Variants in CDADC1 observed in about 807,000 individuals in gnomAD.
CDADC1 encodes the protein cytidine and dCMP deaminase domain containing 1, also known as dCTP deaminase.
A neutral mutation model predicts 54.9 loss-of-function variants in CDADC1; 39 were observed. That is an observed-to-expected ratio of 0.71 (90% CI 0.55 to 0.93). The LOEUF is 0.93. CDADC1 is among the 40% of genes least tolerant of loss of function. The pLI is 0.00. For missense variants in CDADC1, 518 were observed against 618.8 expected (o/e 0.84, Z 1.73); for synonymous variants, 186 against 204.0 (o/e 0.91, Z 0.75).
At chr13:49,287,450 A>G (rs1280560740) in intron 9 of CDADC1, among the ~76,000 whole-genome samples, 1 of 151,858 alleles carries the variant, frequency 6.6e-6, no homozygotes, top group Non-Finnish European at 1.5e-5. Context: ...TTAAAAATTT[A>G]TTAGCAAAAA....
intron 4 of CDADC1, among the ~76,000 whole-genome samples, chr13:49,262,125 G>A (rs969304506): frequency 2.0e-5 from 3 of 152,140 alleles, no homozygotes; most frequent in East Asian, 1.9e-4. Flanking sequence ...GATGGTCCAC[G>A]AGGTCAATGT....
chr13:49,281,691 T>G (rs1378008492), intron 8 of CDADC1, among the ~76,000 whole-genome samples: 1 of 152,114 alleles, frequency 6.6e-6, no homozygotes, highest in Admixed American at 6.5e-5. Context: ...TCCCCTGCAA[T>G]AGTTTAAAGG....
chr13:49,289,704 TATG>T (rs1004131878), intron 9 of CDADC1, among the ~76,000 whole-genome samples: 3 of 152,198 alleles, frequency 2.0e-5, no homozygotes, highest in Non-Finnish European at 4.4e-5. Flanking sequence ...ACTACAGAAT[TATG>T]ATACCATTTC....
chr13:49,255,878 G>A lies in CDADC1; in HGVS notation c.217G>A (p.Glu73Lys), dbSNP rs758388822. Reference sequence around the variant, plus strand: ...AAAGCATGGACCCTTAGGAGATAATGAAGAGAGGACCAGAGTATCTACTGA... The same window carrying A: ...AAAGCATGGACCCTTAGGAGATAATAAAGAGAGGACCAGAGTATCTACTGA... ...EGKHGPLGDN[E>K]ERTRVSTDKR... Residue 73 changes from glutamate to lysine, a missense_variant, in exon 3 of 10, where the codon GAA (glutamate) becomes AAA (lysine). Physicochemically the swap from Glu to Lys is moderately conservative, Grantham distance 56. Transcript: ENST00000251108. The A allele has an allele frequency of 6.2e-7, 1 of 1,611,962 alleles. No homozygotes were observed. The highest frequency in any genetic ancestry group is 8.5e-7 in the Non-Finnish European group (1 of 1,179,312).
intron 5 of CDADC1, among the ~76,000 whole-genome samples, chr13:49,272,036 G>A (rs767274632): frequency 2.0e-5 from 3 of 151,736 alleles, no homozygotes; most frequent in Non-Finnish European, 4.4e-5. Context: ...AGGCAGCAGA[G>A]CTGCATGCTG....
intron 6 of CDADC1, among the ~76,000 whole-genome samples, 159 bp downstream of exon 6, chr13:49,274,499 TAA>T (rs58770280): frequency 5.7e-5 from 8 of 140,656 alleles, no homozygotes; most frequent in Admixed American, 7.2e-5. Context: ...CCATCTCTAC[TAA>T]AAAAAAAAAA....
chr13:49,273,163 A>T (rs1383488476), intron 5 of CDADC1, among the ~76,000 whole-genome samples: 1 of 152,204 alleles, frequency 6.6e-6, no homozygotes, highest in Admixed American at 6.5e-5. Flanking sequence ...TAAGACATTC[A>T]TTCTAGTTTT....
rs891275071 is a variant in CDADC1, at chr13:49,248,744, CCTAT to C, written c.83-124_83-121del. 9 of 692,590 alleles carry C rather than the reference CCTAT, an allele frequency of 1.3e-5. No homozygotes were observed. The East Asian group carries it at 1.7e-4, about 13-fold the overall frequency. 42.9% of individuals were successfully genotyped at this position (692,590 alleles called of 1,614,324 possible). ...TAAGATACCTCTGACTCTCTTGTCC[CCTAT>C]CTTTTTCTGTGCCTCTTGCGAAAGC... On this transcript the variant is annotated intron_variant, in intron 1 of 9. Coordinates refer to ENST00000251108, the MANE Select transcript of CDADC1 (RefSeq NM_030911.4).
At chr13:49,290,127 G>A (rs972922368) in intron 9 of CDADC1, among the ~76,000 whole-genome samples, 41 of 151,806 alleles carry the variant, frequency 2.7e-4, no homozygotes, top group Middle Eastern at 3.4e-3. Flanking sequence ...AGAAGCAATC[G>A]ATTGATAAAC....
Position 49,292,259 on chromosome 13 carries a change from T to A in CDADC1, c.*502T>A, listed in dbSNP as rs1474633882. On this transcript the variant is annotated 3_prime_UTR_variant, in exon 10 of 10. Transcript: ENST00000251108. The stretch of plus-strand genomic sequence containing the variant: ...CCAAAGCTTTCTAGTAATCAGAATT[T>A]ACTTAATTAGAATTGACTCATAAAA... 2.0e-6 allele frequency: 2 copies of A among 978,352 alleles called. No individual in the cohort carries two copies. Among genetic ancestry groups the A allele is most frequent in the Non-Finnish European group, 2.4e-6 (2 of 821,858 alleles). 60.6% of individuals were successfully genotyped at this position (978,352 alleles called of 1,614,324 possible).
Position 49,292,594 on chromosome 13 carries a change from A to C in CDADC1, c.*837A>C. The C allele has an allele frequency of 1.7e-6, 2 of 1,161,394 alleles. No homozygotes were observed. The highest frequency in any genetic ancestry group is 3.2e-5 in the African/African-American group (2 of 61,998). The allele number at this position is 1,161,394 out of a possible 1,614,324, so 71.9% of individuals were successfully genotyped here. The stretch of plus-strand genomic sequence containing the variant: ...TAACATAGGTTGTCTCATGGCTTTG[A>C]TCTTCAAAAGGAAGAGCCTTTTAAA... On this transcript the variant is annotated 3_prime_UTR_variant, in exon 10 of 10. Coordinates refer to ENST00000251108, the MANE Select transcript of CDADC1 (RefSeq NM_030911.4).
chr13:49,259,263 T>C, intron 3 of CDADC1, 83 bp from the exon 4 acceptor site: 3 of 982,942 alleles, frequency 3.1e-6, no homozygotes, highest in Middle Eastern at 2.7e-4. Flanking sequence ...AAACTTCCAT[T>C]TTTATTAATA....
chr13:49,274,432 G>C, intron 6 of CDADC1, 92 bp downstream of exon 6: 1 of 934,058 alleles, frequency 1.1e-6, no homozygotes, highest in Admixed American at 2.0e-5. Flanking sequence ...TGACTGCCAA[G>C]GCGGGCAGAT....
rs769012028 is a variant in CDADC1 at position 49,267,963 on chromosome 13, A to G, written c.904A>G (p.Asn302Asp). The change falls in exon 5 of 10, where the codon AAT (asparagine) becomes GAT (aspartate). Residue 302 changes from asparagine (N) to aspartate (D), a missense_variant. Transcript: ENST00000251108. Reference protein sequence around the residue: ...NFKHFGFYRSNPEQINEIHNQ... With the variant: ...NFKHFGFYRSDPEQINEIHNQ... Reference sequence around the variant, plus strand: ...TAAACACTTCGGATTTTACCGTAGCAATCCAGAACAGATTAATGAAATTCA... The same window carrying G: ...TAAACACTTCGGATTTTACCGTAGCGATCCAGAACAGATTAATGAAATTCA... 1 of 1,614,166 alleles carries G rather than the reference A, an allele frequency of 6.2e-7. No homozygotes were observed. Among genetic ancestry groups the G allele is most frequent in the East Asian group, 2.2e-5 (1 of 44,888 alleles).
intron 2 of CDADC1, among the ~76,000 whole-genome samples, chr13:49,250,157 C>A (rs2138188679): frequency 6.6e-6 from 1 of 152,238 alleles, no homozygotes; most frequent in South Asian, 2.1e-4. Flanking sequence ...TTATATTCTG[C>A]ATGTACTCGC....
chr13:49,261,957 G>C (rs112497542), intron 4 of CDADC1, among the ~76,000 whole-genome samples: 108 of 152,316 alleles, frequency 7.1e-4, no homozygotes, highest in African/African-American at 2.2e-3. Context: ...TGCTATGTTA[G>C]ATTAGGCTTA....
At chr13:49,277,506 T>A (rs139701981) in intron 6 of CDADC1, among the ~76,000 whole-genome samples, 37 of 152,210 alleles carry the variant, frequency 2.4e-4, no homozygotes, top group African/African-American at 7.0e-4. Context: ...GATTTATTAA[T>A]GAGATAATAT....
intron 8 of CDADC1, among the ~76,000 whole-genome samples, chr13:49,283,883 C>T (rs1953425853): frequency 6.6e-6 from 1 of 152,176 alleles, no homozygotes; most frequent in Non-Finnish European, 1.5e-5. Flanking sequence ...AGATGGTTAG[C>T]TAGATACCTA....
At chr13:49,289,405 G>A (rs184095866) in intron 9 of CDADC1, among the ~76,000 whole-genome samples, 18 of 152,206 alleles carry the variant, frequency 1.2e-4, no homozygotes, top group East Asian at 1.9e-4. Flanking sequence ...TGGGATTACC[G>A]GCATGAGCCA....
Sources: allele counts gnomAD v4.1 joint callset (sites outside exome capture counted in the v4.1 genomes callset), GRCh38; gene constraint gnomAD v4.1.1; transcripts MANE v1.5; gene names NCBI Gene and HGNC (gene_info 2026-07-23, HGNC 2026-07-21).